MACROD2: variants seen among roughly 807,000 people sequenced by gnomAD.
MACROD2 encodes the protein mono-ADP ribosylhydrolase 2.
In MACROD2, 36 loss-of-function variants were observed where a neutral mutation model predicts 70.4. That is an observed-to-expected ratio of 0.51 (90% CI 0.39 to 0.68). The LOEUF (loss-of-function observed/expected upper bound fraction) is 0.68. MACROD2 is among the 30% of genes least tolerant of loss of function. MACROD2 has a pLI of 0.00. For missense variants in MACROD2, 496 were observed against 538.4 expected (o/e 0.92, Z 0.78); for synonymous variants, 172 against 178.8 (o/e 0.96, Z 0.30).
chr20:14,076,716 G>C (rs987203393), intron 2 of MACROD2, among the ~76,000 whole-genome samples: 1 of 151,782 alleles, frequency 6.6e-6, no homozygotes, highest in African/African-American at 2.4e-5. Context: ...ATATAACTTT[G>C]CTAAGTCTTC....
At chr20:14,169,780 A>G (rs1414294389) in intron 3 of MACROD2, among the ~76,000 whole-genome samples, 2 of 152,106 alleles carry the variant, frequency 1.3e-5, no homozygotes, top group African/African-American at 4.8e-5. Flanking sequence ...CATTGTTCCT[A>G]TTATTATTTT....
intron 5 of MACROD2, among the ~76,000 whole-genome samples, chr20:15,101,246 T>G (rs2075869828): frequency 6.6e-6 from 1 of 152,116 alleles, no homozygotes; most frequent in South Asian, 2.1e-4. Flanking sequence ...TGATGTAGTC[T>G]TCATCCATGG....
chr20:15,873,183 C>G (rs1019710256), intron 9 of MACROD2, among the ~76,000 whole-genome samples: 1 of 152,168 alleles, frequency 6.6e-6, no homozygotes, highest in African/African-American at 2.4e-5. Context: ...AAATTGTGCA[C>G]TGTGTTTGCA....
At chr20:15,518,502 C>A (rs1238689956) in intron 8 of MACROD2, among the ~76,000 whole-genome samples, 1 of 152,180 alleles carries the variant, frequency 6.6e-6, no homozygotes, top group Non-Finnish European at 1.5e-5. Context: ...GTGAGTGCTT[C>A]ATTTTAGACC....
intron 8 of MACROD2, among the ~76,000 whole-genome samples, chr20:15,651,100 T>C (rs914115230): frequency 6.6e-6 from 1 of 152,218 alleles, no homozygotes; most frequent in African/African-American, 2.4e-5. Context: ...GTTTTTGGTT[T>C]GTTCCAGAGG....
At chr20:14,133,872 GACTA>G (rs1293739214) in intron 3 of MACROD2, among the ~76,000 whole-genome samples, 2 of 152,200 alleles carry the variant, frequency 1.3e-5, no homozygotes, top group Admixed American at 6.5e-5. Context: ...GCGCCAACTT[GACTA>G]ACTAAGGTAA....
At chr20:14,039,018 C>G (rs984057991) in intron 2 of MACROD2, among the ~76,000 whole-genome samples, 16 of 152,116 alleles carry the variant, frequency 1.1e-4, no homozygotes, top group African/African-American at 3.4e-4. Flanking sequence ...ACTTGCTTCT[C>G]AAACTGGAGT....
intron 3 of MACROD2, among the ~76,000 whole-genome samples, chr20:14,268,300 T>G (rs2082161110): frequency 6.6e-6 from 1 of 152,134 alleles, no homozygotes; most frequent in Non-Finnish European, 1.5e-5. Flanking sequence ...TATTCAAATT[T>G]TATCAGTTGT....
chr20:14,562,882 G>A (rs1219996239), intron 4 of MACROD2, among the ~76,000 whole-genome samples: 3 of 151,736 alleles, frequency 2.0e-5, no homozygotes, highest in Non-Finnish European at 4.4e-5. Context: ...CTGGGGATAT[G>A]CTAGATTCTG....
chr20:15,003,124 A>T (rs981450499), intron 5 of MACROD2, among the ~76,000 whole-genome samples: 1 of 152,194 alleles, frequency 6.6e-6, no homozygotes, highest in African/African-American at 2.4e-5. Flanking sequence ...ATAGGTACAG[A>T]GGATTTCATA....
Position 14,396,772 on chromosome 20 carries a change from A to C in MACROD2, c.272-96707A>C, listed in dbSNP as rs553586336. 4.0e-5 allele frequency among the ~76,000 whole-genome samples: 6 copies of C among 151,640 alleles called. No individual in the cohort carries two copies. In the South Asian group the frequency reaches 1.0e-3, roughly 26 times the overall value. ...AACCCCGTCACTACTAAAAATACAAAAAATTAGCTGGGCATGGTGGCGGGT... is the reference window on the plus strand; with the variant it reads ...AACCCCGTCACTACTAAAAATACAACAAATTAGCTGGGCATGGTGGCGGGT... On this transcript the variant is annotated intron_variant, in intron 3 of 17. Coordinates refer to ENST00000684519, the MANE Select transcript of MACROD2 (RefSeq NM_001351661.2).
chr20:14,621,587 T>C (rs1983829727), intron 4 of MACROD2, among the ~76,000 whole-genome samples: 1 of 152,166 alleles, frequency 6.6e-6, no homozygotes, highest in South Asian at 2.1e-4. Context: ...GGAAATGTTG[T>C]TGCTAAGATA....
At chr20:15,756,938 A>T (rs1377589991) in intron 8 of MACROD2, among the ~76,000 whole-genome samples, 1 of 152,188 alleles carries the variant, frequency 6.6e-6, no homozygotes, top group African/African-American at 2.4e-5. Context: ...CACATTACCA[A>T]ATGCAAGCAG....
chr20:14,588,531 T>G (rs1039328056), intron 4 of MACROD2, among the ~76,000 whole-genome samples: 12 of 152,182 alleles, frequency 7.9e-5, no homozygotes, highest in Non-Finnish European at 1.3e-4. Flanking sequence ...TGTCTTCCAC[T>G]TACACTGTAT....
At chr20:14,483,999 A>G (rs1262625004) in intron 3 of MACROD2, among the ~76,000 whole-genome samples, 1 of 152,212 alleles carries the variant, frequency 6.6e-6, no homozygotes, top group Non-Finnish European at 1.5e-5. Flanking sequence ...CTTTTCATGT[A>G]TAGGTGAAAA....
chr20:15,116,201 A>G (rs928162165), intron 5 of MACROD2, among the ~76,000 whole-genome samples: 3 of 152,184 alleles, frequency 2.0e-5, no homozygotes, highest in Non-Finnish European at 4.4e-5. Context: ...ACCTGTTCAC[A>G]CTGTGTGTGT....
intron 2 of MACROD2, among the ~76,000 whole-genome samples, chr20:14,028,479 C>T (rs2053205722): frequency 6.6e-6 from 1 of 152,178 alleles, no homozygotes; most frequent in Non-Finnish European, 1.5e-5. Context: ...TGAAAAAAAA[C>T]TCCTGCAGCT....
chr20:14,315,294 A>G (rs1441127139), intron 3 of MACROD2, among the ~76,000 whole-genome samples: 1 of 152,216 alleles, frequency 6.6e-6, no homozygotes, highest in Middle Eastern at 3.2e-3. Flanking sequence ...TGCTTAATAA[A>G]TGGTCTATGC....
chr20:14,318,183 C>T (rs1309672970), intron 3 of MACROD2, among the ~76,000 whole-genome samples: 1 of 152,114 alleles, frequency 6.6e-6, no homozygotes, highest in Non-Finnish European at 1.5e-5. Context: ...GAGCCCCCAA[C>T]ATACATTCAA....
Sources: allele counts gnomAD v4.1 joint callset (sites outside exome capture counted in the v4.1 genomes callset), GRCh38; gene constraint gnomAD v4.1.1; transcripts MANE v1.5; gene names NCBI Gene and HGNC (gene_info 2026-07-23, HGNC 2026-07-21).